The following LRIT3 variants were observed in gnomAD, a reference collection of about 807,000 sequenced individuals.
LRIT3 encodes leucine rich repeat, Ig-like and transmembrane domains 3.
In LRIT3, 14 loss-of-function variants were observed where a neutral mutation model predicts 22.6. That is an observed-to-expected ratio of 0.62 (90% confidence interval 0.41 to 0.97). The LOEUF is 0.97. LRIT3 is among the 50% of genes least tolerant of loss of function. LRIT3 has a pLI of 0.00. For missense variants in LRIT3, 783 were observed against 803.0 expected, an observed-to-expected ratio of 0.98 and a Z score of 0.30; for synonymous variants, 306 against 304.5, an observed-to-expected ratio of 1.01 and a Z score of -0.05.
intron 2 of LRIT3, among the ~76,000 whole-genome samples, chr4:109,862,194 C>T (rs13115969): frequency 0.23 from 34,798 of 152,098 alleles, 5,011 homozygotes; most frequent in African/African-American, 0.36. Context: ...ACAAAAATAG[C>T]GCATTTAGTC....
intron 1 of LRIT3, among the ~76,000 whole-genome samples, chr4:109,850,354 T>TCCTTCCTTC (rs1438182993): frequency 7.3e-6 from 1 of 137,060 alleles, no homozygotes; most frequent in African/African-American, 2.8e-5. Context: ...GACAGTGTTG[T>TCCTTCCTTC]CTTCCTTCCT....
chr4:109,851,788 T>C lies in LRIT3; in HGVS notation c.401T>C (p.Leu134Pro). 1 of 1,551,804 alleles carries C rather than the reference T, an allele frequency of 6.4e-7. No homozygotes were observed. Among genetic ancestry groups the C allele is most frequent in the Non-Finnish European group, 8.7e-7 (1 of 1,147,030 alleles). ...CTGGACATGCCCCTTCTGAGGACCC[T>C]GGACTTGCACAATAACAAAATAACC... ...SLLDMPLLRT[L>P]DLHNNKITSV... The change falls in exon 2 of 4, where the codon CTG (leucine) becomes CCG (proline). Residue 134 changes from leucine to proline, a missense_variant. Transcript: ENST00000594814.
intron 2 of LRIT3, among the ~76,000 whole-genome samples, chr4:109,858,722 T>C (rs1457426795): frequency 1.3e-5 from 2 of 152,202 alleles, no homozygotes; most frequent in Admixed American, 6.5e-5. Context: ...AGTTTAGTTG[T>C]ATGTGAGGGG....
At chr4:109,863,605 GA>G (rs1734601879) in intron 2 of LRIT3, among the ~76,000 whole-genome samples, 1 of 152,158 alleles carries the variant, frequency 6.6e-6, no homozygotes, top group African/African-American at 2.4e-5. Context: ...TTTGGAGGTA[GA>G]AATATATCTC....
At chr4:109,861,537 G>T (rs983900694) in intron 2 of LRIT3, among the ~76,000 whole-genome samples, 4 of 151,962 alleles carry the variant, frequency 2.6e-5, no homozygotes, top group African/African-American at 4.8e-5. Flanking sequence ...TCAGGAAGCG[G>T]TATCACAATG....
chr4:109,850,422 C>CCTTCTTTCTTTCTTTCTTTCTTT (rs66553123), intron 1 of LRIT3, among the ~76,000 whole-genome samples: 1,311 of 55,096 alleles, frequency 0.024, 241 homozygotes, highest in South Asian at 0.034. Flanking sequence ...TTCCTTCCTT[C>CCTTCTTTCTTTCTTTCTTTCTTT]CTTTCTTTCT....
rs566501572 is a variant in LRIT3, at chr4:109,858,573, C to T, written c.589+6597C>T. 1.1e-4 allele frequency among the ~76,000 whole-genome samples: 16 copies of T among 152,160 alleles called. 1 individual carries two copies. In the South Asian group the frequency reaches 3.3e-3, roughly 32 times the overall value. ...CCACATTAAAATAGAAACTTTTGAC[C>T]ATATATTAGATTGAACATCTTTCCA... On this transcript the variant is annotated intron_variant, in intron 2 of 3. Transcript: ENST00000594814.
chr4:109,869,273 A>T (rs1180462303), intron 3 of LRIT3, among the ~76,000 whole-genome samples: 1 of 152,212 alleles, frequency 6.6e-6, no homozygotes, highest in African/African-American at 2.4e-5. Flanking sequence ...GGGACCTTTG[A>T]GATTACTTCG....
At chr4:109,862,471 T>A (rs1384116188) in intron 2 of LRIT3, among the ~76,000 whole-genome samples, 1 of 152,200 alleles carries the variant, frequency 6.6e-6, no homozygotes, top group Non-Finnish European at 1.5e-5. Context: ...CCTTTGACCT[T>A]AGAAGTTTCA....
At chr4:109,850,423 C>T (rs1482369400) in intron 1 of LRIT3, among the ~76,000 whole-genome samples, 17 of 6,144 alleles carry the variant, frequency 2.8e-3, no homozygotes, top group South Asian at 8.5e-3. Flanking sequence ...TCCTTCCTTC[C>T]TTTCTTTCTT....
intron 2 of LRIT3, among the ~76,000 whole-genome samples, chr4:109,855,905 C>T (rs1294413921): frequency 6.6e-6 from 1 of 152,150 alleles, no homozygotes; most frequent in African/African-American, 2.4e-5. Context: ...GTCTGAGAGA[C>T]AGTTTGTATG....
intron 2 of LRIT3, among the ~76,000 whole-genome samples, chr4:109,861,225 C>A (rs960877404): frequency 6.6e-6 from 1 of 151,854 alleles, no homozygotes; most frequent in African/African-American, 2.4e-5. Flanking sequence ...CAAAAATTAG[C>A]CAGGTGTGGT....
chr4:109,865,938 C>G (rs907308875), intron 2 of LRIT3, among the ~76,000 whole-genome samples: 2 of 152,004 alleles, frequency 1.3e-5, no homozygotes, highest in Non-Finnish European at 1.5e-5. Context: ...AAAGAGCCAA[C>G]AGTTAAGAGA....
rs77988148 is a variant in LRIT3 at position 109,852,521 on chromosome 4, G to T, written c.589+545G>T. ...CCAAATGGTTCTCCTAACTGATTTG[G>T]TCTCTTAGTTTAGCTGTGACTAGTT... On this transcript the variant is annotated intron_variant, in intron 2 of 3. Coordinates refer to ENST00000594814, the MANE Select transcript of LRIT3 (RefSeq NM_198506.5). Among the ~76,000 whole-genome samples, 1,717 of 152,244 alleles carry T rather than the reference G, an allele frequency of 0.011. 83 individuals are homozygous for T. In the East Asian group the frequency reaches 0.12, roughly 11 times the overall value.
chr4:109,850,595 G>A (rs1423871274), intron 1 of LRIT3, among the ~76,000 whole-genome samples: 5 of 151,076 alleles, frequency 3.3e-5, no homozygotes, highest in Admixed American at 6.6e-5. Context: ...TCCCACCTCC[G>A]CCTCCTGAGT....
In LRIT3 at chr4:109,851,888, A is replaced by G. The variant is rs1009045845; in HGVS notation, c.501A>G (p.Thr167=). The change falls in exon 2 of 4, where the codon ACA becomes ACG. Residue 167 remains threonine, a synonymous_variant. Transcript: ENST00000594814. The part of the protein sequence containing the change: ...YLDLSSNRLT[T]LPPDFLESWT... ...ATTTATCAAGCAACAGACTCACCAC[A>G]TTGCCACCAGATTTCCTGGAGAGCT... The G allele has an allele frequency of 1.9e-6, 3 of 1,551,624 alleles. No homozygotes were observed. The highest frequency in any genetic ancestry group is 2.6e-6 in the Non-Finnish European group (3 of 1,146,972).
chr4:109,864,413 T>A (rs1483548756), intron 2 of LRIT3, among the ~76,000 whole-genome samples: 3 of 152,196 alleles, frequency 2.0e-5, no homozygotes, highest in Non-Finnish European at 4.4e-5. Flanking sequence ...TGTGATTGGA[T>A]CCTCACTTTG....
intron 2 of LRIT3, among the ~76,000 whole-genome samples, chr4:109,855,799 C>T (rs1734386861): frequency 6.6e-6 from 1 of 151,816 alleles, no homozygotes; most frequent in African/African-American, 2.4e-5. Flanking sequence ...TGTTATGTAC[C>T]CTGTAGTCAT....
At chr4:109,861,284 G>A (rs985051473) in intron 2 of LRIT3, among the ~76,000 whole-genome samples, 1 of 151,818 alleles carries the variant, frequency 6.6e-6, no homozygotes, top group Non-Finnish European at 1.5e-5. Flanking sequence ...GAGAAACCTG[G>A]GAGGCAGATG....
Sources: allele counts gnomAD v4.1 joint callset (sites outside exome capture counted in the v4.1 genomes callset), GRCh38; gene constraint gnomAD v4.1.1; transcripts MANE v1.5; gene names NCBI Gene and HGNC (gene_info 2026-07-23, HGNC 2026-07-21).